The following PRKN variants were observed in gnomAD, a reference collection of about 807,000 sequenced individuals.
The protein encoded by PRKN is E3 ubiquitin-protein ligase parkin.
In PRKN, 56 loss-of-function variants were observed where a neutral mutation model predicts 59.5. That is an observed-to-expected ratio of 0.94 (90% CI 0.76 to 1.18). The LOEUF (loss-of-function observed/expected upper bound fraction) is 1.18, where lower values mean the gene tolerates loss of function less well. Among genes scored for constraint, PRKN ranks in the 50% most tolerant of loss-of-function variants. PRKN has a pLI of 0.00. For missense variants in PRKN, 657 were observed against 596.4 expected, an observed-to-expected ratio of 1.10 and a Z score of -1.06; for synonymous variants, 250 against 222.1, an observed-to-expected ratio of 1.13 and a Z score of -1.12.
chr6:162,345,580 T>C (rs934779016), intron 2 of PRKN, among the ~76,000 whole-genome samples: 1 of 152,250 alleles, frequency 6.6e-6, no homozygotes, highest in African/African-American at 2.4e-5. Flanking sequence ...AATCTTTTGT[T>C]AGATTATTCC....
intron 1 of PRKN, among the ~76,000 whole-genome samples, chr6:162,679,329 C>T (rs1779682259): frequency 6.6e-6 from 1 of 151,994 alleles, no homozygotes; most frequent in Non-Finnish European, 1.5e-5. Context: ...GTCTTGGACT[C>T]CTGACCTCAA....
At chr6:162,447,525 A>T (rs1035125088) in intron 1 of PRKN, among the ~76,000 whole-genome samples, 1 of 152,170 alleles carries the variant, frequency 6.6e-6, no homozygotes, top group East Asian at 1.9e-4. Context: ...ATAACAAAAA[A>T]CATAATGAGA....
At chr6:162,364,304 C>A (rs1470459200) in intron 2 of PRKN, among the ~76,000 whole-genome samples, 1 of 152,116 alleles carries the variant, frequency 6.6e-6, no homozygotes, top group Non-Finnish European at 1.5e-5. Context: ...TGTTTCCATA[C>A]CTTGACCTTT....
chr6:161,566,039 A>T lies in PRKN; in HGVS notation c.933+3316T>A, dbSNP rs560873662. ...CCAACTCCTCTACTGAATCATTACC[A>T]TCAGTACATAGACATGCTGCAATTT... is the stretch of plus-strand genomic sequence containing the variant. On this transcript the variant is annotated intron_variant, in intron 8 of 11. Transcript: ENST00000366898. The surrounding 1 kb of genome is among the most constrained non-coding windows in gnomAD (Gnocchi z 4.1). Among the ~76,000 whole-genome samples, 1 of 152,254 alleles carries T rather than the reference A, an allele frequency of 6.6e-6. No homozygotes were observed. The highest frequency in any genetic ancestry group is 2.1e-4 in the South Asian group (1 of 4,820).
intron 2 of PRKN, among the ~76,000 whole-genome samples, chr6:162,413,955 G>C (rs897616056): frequency 1.8e-4 from 27 of 151,892 alleles, no homozygotes; most frequent in Non-Finnish European, 2.9e-4. Flanking sequence ...GCTGAGGCAG[G>C]TGGATCACTT....
At chr6:162,092,097 T>C (rs1045350918) in intron 4 of PRKN, among the ~76,000 whole-genome samples, 11 of 152,160 alleles carry the variant, frequency 7.2e-5, no homozygotes, top group African/African-American at 2.7e-4. Flanking sequence ...GGCTCACTCC[T>C]GTAATCCAGC....
intron 1 of PRKN, among the ~76,000 whole-genome samples, chr6:162,479,176 C>T (rs1269154440): frequency 1.3e-5 from 2 of 151,864 alleles, no homozygotes; most frequent in Non-Finnish European, 2.9e-5. Context: ...TTCTTCATAT[C>T]CTTACTCTAT....
intron 1 of PRKN, among the ~76,000 whole-genome samples, chr6:162,627,965 G>A (rs1339223320): frequency 6.6e-6 from 1 of 152,064 alleles, no homozygotes; most frequent in South Asian, 2.1e-4. Context: ...AAACCACTCG[G>A]TATCACTCGA....
intron 2 of PRKN, among the ~76,000 whole-genome samples, chr6:162,272,019 C>T (rs923028484): frequency 2.0e-5 from 3 of 152,192 alleles, no homozygotes; most frequent in Admixed American, 2.0e-4. Flanking sequence ...CCAGTGCAGG[C>T]CTGGGCCTTG....
At chr6:162,516,944 G>A (rs925122876) in intron 1 of PRKN, among the ~76,000 whole-genome samples, 1 of 152,046 alleles carries the variant, frequency 6.6e-6, no homozygotes, top group Admixed American at 6.6e-5. Flanking sequence ...AAGCAAGGCA[G>A]TGACTATCTA....
At chr6:162,497,000 T>A (rs1014113574) in intron 1 of PRKN, among the ~76,000 whole-genome samples, 1 of 152,220 alleles carries the variant, frequency 6.6e-6, no homozygotes, top group African/African-American at 2.4e-5. Flanking sequence ...AAATAACTTA[T>A]AAATACATAT....
rs1210976102 is a variant in PRKN, at chr6:161,771,392, TAA to T, written c.871+14378_871+14379del. ...AAAAATAAAATAAAATAAAATAAAA[TAA>T]AATAAAAGCACTGCTGTGCTTGAGC... On this transcript the variant is annotated intron_variant, in intron 7 of 11. Coordinates refer to ENST00000366898, the MANE Select transcript of PRKN (RefSeq NM_004562.3). Among the ~76,000 whole-genome samples the T allele has an allele frequency of 8.1e-3, 1,008 of 124,384 alleles. 11 individuals are homozygous for T. The highest frequency in any genetic ancestry group is 0.03 in the African/African-American group (961 of 32,366). The allele number at this position is 124,384 out of a possible 152,430, so 81.6% of individuals were successfully genotyped here.
chr6:161,862,215 T>C (rs767635417), intron 6 of PRKN, among the ~76,000 whole-genome samples: 2 of 152,190 alleles, frequency 1.3e-5, no homozygotes, highest in Non-Finnish European at 2.9e-5. Context: ...ACACATGATT[T>C]TGGAAGCCAC....
At chr6:161,465,592 T>C (rs989553294) in intron 9 of PRKN, among the ~76,000 whole-genome samples, 11 of 152,154 alleles carry the variant, frequency 7.2e-5, no homozygotes, top group Non-Finnish European at 1.3e-4. Context: ...CTCACTCTTA[T>C]CACCGTGCTC....
At chr6:162,272,170 A>G (rs1008056437) in intron 2 of PRKN, among the ~76,000 whole-genome samples, 2 of 152,178 alleles carry the variant, frequency 1.3e-5, no homozygotes, top group Non-Finnish European at 2.9e-5. Context: ...CAACTGCAGT[A>G]AGTGATTTAG....
intron 3 of PRKN, among the ~76,000 whole-genome samples, chr6:162,221,938 T>C (rs1474103493): frequency 6.6e-6 from 1 of 152,182 alleles, no homozygotes; most frequent in African/African-American, 2.4e-5. Flanking sequence ...AATTCAATCA[T>C]ACATAATCTT....
chr6:161,596,121 A>G (rs1781903648), intron 7 of PRKN, among the ~76,000 whole-genome samples: 1 of 152,136 alleles, frequency 6.6e-6, no homozygotes, highest in Admixed American at 6.5e-5. Flanking sequence ...AAAGCTTGCT[A>G]TACCTATCAG....
chr6:162,329,713 A>G (rs1482790969), intron 2 of PRKN, among the ~76,000 whole-genome samples: 1 of 152,126 alleles, frequency 6.6e-6, no homozygotes, highest in Non-Finnish European at 1.5e-5. Flanking sequence ...TTTCAAAGGA[A>G]GCCAAAAAAT....
chr6:162,691,409 C>T (rs1435998870), intron 1 of PRKN, among the ~76,000 whole-genome samples: 1 of 152,012 alleles, frequency 6.6e-6, no homozygotes, highest in African/African-American at 2.4e-5. Context: ...TCAGAAAATG[C>T]CAACTTTTTG....
Sources: allele counts gnomAD v4.1 joint callset (sites outside exome capture counted in the v4.1 genomes callset), GRCh38; gene constraint gnomAD v4.1.1; non-coding constraint Gnocchi (gnomAD v3.1); transcripts MANE v1.5; gene names NCBI Gene and HGNC (gene_info 2026-07-23, HGNC 2026-07-21).